Variants in PEPD observed in about 807,000 individuals in gnomAD.
The protein encoded by PEPD is peptidase D, also known as xaa-Pro dipeptidase.
A neutral mutation model predicts 60.7 loss-of-function variants in PEPD; 53 were observed. The observed-to-expected ratio is 0.87, with a 90% CI of 0.70 to 1.10. The LOEUF is 1.10. Ranked by LOEUF, PEPD falls within the 50% of genes least tolerant of loss-of-function variation. The pLI is 0.00. For synonymous variants in PEPD, 267 were observed against 284.1 expected, an observed-to-expected ratio of 0.94 and a Z score of 0.60; for missense variants, 711 against 711.9, an observed-to-expected ratio of 1.00 and a Z score of 0.01.
intron 9 of PEPD, among the ~76,000 whole-genome samples, chr19:33,437,894 C>T (rs1430469283): frequency 2.0e-5 from 3 of 152,186 alleles, no homozygotes; most frequent in African/African-American, 4.8e-5. Flanking sequence ...AGGCAGGGTC[C>T]AAACTCTGAA....
chr19:33,477,232 T>C (rs1326562334), intron 7 of PEPD: 2 of 152,672 alleles, frequency 1.3e-5, no homozygotes, highest in Non-Finnish European at 2.9e-5. Flanking sequence ...CCACAGCCGA[T>C]GCCCATTCAT....
intron 1 of PEPD, among the ~76,000 whole-genome samples, chr19:33,516,622 TCTC>T (rs1485406418): frequency 3.3e-5 from 5 of 151,644 alleles, no homozygotes; most frequent in Non-Finnish European, 7.4e-5. Flanking sequence ...TGGGACACCC[TCTC>T]CTCAACAGCC....
chr19:33,413,558 C>T lies in PEPD; in HGVS notation c.740+17G>A. The T allele has an allele frequency of 2.6e-6, 4 of 1,509,738 alleles. No individual in the cohort carries two copies. The highest frequency in any genetic ancestry group is 2.4e-5 in the East Asian group (1 of 41,552). 93.5% of individuals were successfully genotyped at this position (1,509,738 alleles called of 1,614,324 possible). On this transcript the variant is annotated intron_variant, in intron 10 of 14. Transcript: ENST00000244137. ...TCCCACTGGTCACCCCCAGGGGAGCCAGGGTGCCCCGCTTACCTGCCGCAG... is the reference window on the plus strand; with the variant it reads ...TCCCACTGGTCACCCCCAGGGGAGCTAGGGTGCCCCGCTTACCTGCCGCAG...
intron 11 of PEPD, among the ~76,000 whole-genome samples, chr19:33,405,554 A>T (rs746298018): frequency 2.0e-5 from 3 of 152,216 alleles, no homozygotes; most frequent in Non-Finnish European, 4.4e-5. Context: ...TGAGACCGAA[A>T]GGGAGGCGTA....
chr19:33,506,783 C>T (rs1970821460), intron 3 of PEPD, among the ~76,000 whole-genome samples: 1 of 149,940 alleles, frequency 6.7e-6, no homozygotes, highest in South Asian at 2.1e-4. Flanking sequence ...ACCACACACA[C>T]ACCCCATCAC....
At chr19:33,444,165 G>A (rs1297015495) in intron 9 of PEPD, among the ~76,000 whole-genome samples, 1 of 152,134 alleles carries the variant, frequency 6.6e-6, no homozygotes, top group East Asian at 1.9e-4. Flanking sequence ...CACACACGCT[G>A]TATGTCCTCT....
rs771446648 is a variant in PEPD at position 33,521,726 on chromosome 19, G to C, written c.17+18C>G. On this transcript the variant is annotated intron_variant, in intron 1 of 14. Coordinates refer to ENST00000244137, the MANE Select transcript of PEPD (RefSeq NM_000285.4). ...TCTCCACGCCAGCGGGAAAGAGCGAGGGAGGCGCAGCACTCACCCGGTGGC... is the reference window on the plus strand; with the variant it reads ...TCTCCACGCCAGCGGGAAAGAGCGACGGAGGCGCAGCACTCACCCGGTGGC... The C allele has an allele frequency of 6.3e-7, 1 of 1,579,966 alleles. No homozygotes were observed. The highest frequency in any genetic ancestry group is 8.6e-7 in the Non-Finnish European group (1 of 1,168,076).
chr19:33,408,903 A>G (rs565332534), intron 11 of PEPD, among the ~76,000 whole-genome samples: 21 of 152,406 alleles, frequency 1.4e-4, no homozygotes, highest in African/African-American at 5.0e-4. Context: ...TGGCAGTAGC[A>G]GTAATCAACA....
rs377271883 is a variant in PEPD, at chr19:33,490,099, G to C, written c.442-42C>G. On this transcript the variant is annotated intron_variant, in intron 5 of 14. Transcript: ENST00000244137. ...CAGACATGACACACGGGGCCGCATGGCGCCCCCACAGCCTGCACCCCTGAG... is the reference window on the plus strand; with the variant it reads ...CAGACATGACACACGGGGCCGCATGCCGCCCCCACAGCCTGCACCCCTGAG... The C allele has an allele frequency of 4.2e-5, 61 of 1,436,388 alleles. No individual in the cohort carries two copies. In the African/African-American group the frequency reaches 7.4e-4, roughly 17 times the overall value. The allele number at this position is 1,436,388 out of a possible 1,614,324, so 89.0% of individuals were successfully genotyped here.
intron 10 of PEPD, 106 bp from the exon 11 acceptor site, chr19:33,411,855 C>T (rs560962629): frequency 1.3e-6 from 1 of 744,892 alleles, no homozygotes; most frequent in Non-Finnish European, 2.4e-6. Flanking sequence ...CTGTCCCCAC[C>T]TCCAGCACAG....
At position 33,505,198 on chromosome 19, in the gene PEPD, C is replaced by T. The variant is rs992992536; in HGVS notation, c.330-4197G>A. On this transcript the variant is annotated intron_variant, in intron 3 of 14. Coordinates refer to ENST00000244137, the MANE Select transcript of PEPD (RefSeq NM_000285.4). ...ATTACAGCCATCACCATCCATTTCC[C>T]GCGGCCCGGCCTGCCTTCAGCTACA... Among the ~76,000 whole-genome samples, 8 of 152,286 alleles carry T rather than the reference C, an allele frequency of 5.3e-5. No homozygotes were observed. In the East Asian group the frequency reaches 1.4e-3, roughly 26 times the overall value.
rs985435459 is a variant in PEPD at position 33,476,081 on chromosome 19, G to A, written c.548+1965C>T. On this transcript the variant is annotated intron_variant, in intron 7 of 14. Transcript: ENST00000244137. ...GGATCTCTCTATGTTGCTCAGGCTG[G>A]TCTCAAACTCCCGGCCTCAAGTGAT... Among the ~76,000 whole-genome samples, 86 of 152,140 alleles carry A rather than the reference G, an allele frequency of 5.7e-4. 1 individual carries two copies. The highest frequency in any genetic ancestry group is 1.2e-4 in the Non-Finnish European group (8 of 68,036).
At chr19:33,494,957 A>AC (rs1161128700) in intron 4 of PEPD, among the ~76,000 whole-genome samples, 3 of 151,668 alleles carry the variant, frequency 2.0e-5, no homozygotes, top group Non-Finnish European at 4.4e-5. Context: ...AAACAGTGAA[A>AC]CCCCATCTCT....
intron 9 of PEPD, among the ~76,000 whole-genome samples, chr19:33,453,317 A>AAAT (rs1555762505): frequency 1.3e-5 from 2 of 148,656 alleles, no homozygotes; most frequent in African/African-American, 5.0e-5. Context: ...CTGTCATAAA[A>AAAT]AAATAAATAA....
At chr19:33,423,180 C>T (rs1969068981) in intron 9 of PEPD, among the ~76,000 whole-genome samples, 1 of 152,136 alleles carries the variant, frequency 6.6e-6, no homozygotes, top group South Asian at 2.1e-4. Context: ...TTTTTGTTCA[C>T]TGTAGTATCC....
At chr19:33,435,171 G>T (rs1024358364) in intron 9 of PEPD, among the ~76,000 whole-genome samples, 1 of 152,166 alleles carries the variant, frequency 6.6e-6, no homozygotes, top group South Asian at 2.1e-4. Flanking sequence ...CTGGCCACCC[G>T]CGGCTGCCCG....
At chr19:33,466,959 T>C (rs932643843) in intron 7 of PEPD, among the ~76,000 whole-genome samples, 21 of 151,740 alleles carry the variant, frequency 1.4e-4, no homozygotes, top group East Asian at 5.8e-4. Flanking sequence ...AGATCAAGAC[T>C]ATCCTGGCTA....
intron 7 of PEPD, among the ~76,000 whole-genome samples, chr19:33,476,810 C>T (rs184005421): frequency 3.3e-5 from 5 of 152,036 alleles, no homozygotes; most frequent in African/African-American, 1.2e-4. Context: ...ACTACAGGTG[C>T]CCGCCACCAT....
intron 5 of PEPD, among the ~76,000 whole-genome samples, chr19:33,491,987 G>C (rs1970507813): frequency 6.7e-6 from 1 of 148,652 alleles, no homozygotes; most frequent in East Asian, 2.0e-4. Context: ...TTTCTAATTA[G>C]ACGGGGAGGA....
Sources: allele counts gnomAD v4.1 joint callset (sites outside exome capture counted in the v4.1 genomes callset), GRCh38; gene constraint gnomAD v4.1.1; transcripts MANE v1.5; gene names NCBI Gene and HGNC (gene_info 2026-07-23, HGNC 2026-07-21).